Variants in CSRP1 observed in about 807,000 individuals in gnomAD.
The protein encoded by CSRP1 is cysteine and glycine rich protein 1.
CSRP1 carries 16 observed loss-of-function variants against 25.4 expected under a neutral mutation model. The ratio of observed to expected loss-of-function variants is 0.63; its 90% CI spans 0.43 to 0.96. The LOEUF is 0.96. Ranked by LOEUF, CSRP1 falls within the 40% of genes least tolerant of loss-of-function variation. CSRP1 has a pLI of 0.00. For missense variants in CSRP1, 212 were observed against 243.6 expected, an observed-to-expected ratio of 0.87 and a Z score of 0.86; for synonymous variants, 97 against 95.3, an observed-to-expected ratio of 1.02 and a Z score of -0.10.
chr1:201,500,198 C>G (rs904733649), intron 1 of CSRP1, among the ~76,000 whole-genome samples: 1 of 152,238 alleles, frequency 6.6e-6, no homozygotes. Flanking sequence ...TTTCCAACCC[C>G]CTGAACCAGC....
At chr1:201,498,820 T>C (rs1246635946) in intron 1 of CSRP1, among the ~76,000 whole-genome samples, 1 of 152,210 alleles carries the variant, frequency 6.6e-6, no homozygotes, top group East Asian at 1.9e-4. Context: ...TGGCTCCTAG[T>C]GGAGGTGCTT....
intron 1 of CSRP1, among the ~76,000 whole-genome samples, chr1:201,503,278 T>C (rs559104380): frequency 2.4e-4 from 37 of 152,382 alleles, no homozygotes; most frequent in African/African-American, 8.9e-4. Context: ...TGGGGTTTCC[T>C]TGCTTTTATC....
At chr1:201,490,130 G>A (rs1481346218) in intron 3 of CSRP1, 46 bp downstream of exon 3, 1 of 1,580,074 alleles carries the variant, frequency 6.3e-7, no homozygotes, top group East Asian at 2.3e-5. Flanking sequence ...ATACAGGGTG[G>A]GGGAGAGAGC....
Position 201,483,873 on chromosome 1 carries a change from A to C in CSRP1, c.*840T>G. ...ATCTGAGGATCAAGCAGGTGTGGCA[A>C]GAACAGAGCCCTGGCCTGGGCTCTG... On this transcript the variant is annotated 3_prime_UTR_variant, in exon 6 of 6. Coordinates refer to ENST00000340006, the MANE Select transcript of CSRP1 (RefSeq NM_004078.3). 1.7e-6 allele frequency: 1 copy of C among 601,212 alleles called. No individual in the cohort carries two copies. Among genetic ancestry groups the C allele is most frequent in the East Asian group, 2.8e-5 (1 of 36,012 alleles). 37.2% of individuals were successfully genotyped at this position (601,212 alleles called of 1,614,324 possible).
chr1:201,499,088 T>C (rs1404439808), intron 1 of CSRP1, among the ~76,000 whole-genome samples: 1 of 152,164 alleles, frequency 6.6e-6, no homozygotes, highest in African/African-American at 2.4e-5. Flanking sequence ...ACAGTCCCCA[T>C]TCCCAGCCTC....
At position 201,502,471 on chromosome 1, in the gene CSRP1, G is replaced by T. The variant is rs145156873; in HGVS notation, c.-2+4599C>A. 1.2e-3 allele frequency among the ~76,000 whole-genome samples: 183 copies of T among 152,322 alleles called. 1 individual carries two copies. The highest frequency in any genetic ancestry group is 4.3e-3 in the African/African-American group (179 of 41,568). ...CAAGTCTTAGAAGTGACACCTGAGA[G>T]CTCAGGAAATCAGCCTCTCCTGAAG... On this transcript the variant is annotated intron_variant, in intron 1 of 5. Transcript: ENST00000340006.
At chr1:201,485,212 A>G in intron 5 of CSRP1, 71 bp downstream of exon 5, 1 of 1,332,598 alleles carries the variant, frequency 7.5e-7, no homozygotes, top group Non-Finnish European at 1.1e-6. Context: ...TACATTCAGC[A>G]AAGGCAAAAC....
intron 4 of CSRP1, chr1:201,488,640 A>G (rs533491285): frequency 8.8e-6 from 4 of 455,616 alleles, no homozygotes; most frequent in East Asian, 7.8e-5. Flanking sequence ...CCCATTGTCC[A>G]TCAATGCTGG....
At chr1:201,488,197 T>A (rs1355736909) in intron 4 of CSRP1, 1 of 152,202 alleles carries the variant, frequency 6.6e-6, no homozygotes, top group Non-Finnish European at 1.5e-5. Flanking sequence ...CTGCAGCCTA[T>A]CTGAAGGAAG....
At chr1:201,488,196 A>C (rs1664207595) in intron 4 of CSRP1, 4 of 152,214 alleles carry the variant, frequency 2.6e-5, no homozygotes, top group African/African-American at 9.7e-5. Context: ...ACTGCAGCCT[A>C]TCTGAAGGAA....
At position 201,494,474 on chromosome 1, in the gene CSRP1, A is replaced by G. The variant is rs1235751298; in HGVS notation, c.112+1718T>C. ...CGCTGCTGTTTCTGGCCTCCTTTGC[A>G]GGCTGGAAGCCAACAAAGCTCCACT... is the stretch of plus-strand genomic sequence containing the variant. On this transcript the variant is annotated intron_variant, in intron 2 of 5. Transcript: ENST00000340006. Among the ~76,000 whole-genome samples, 3 of 152,210 alleles carry G rather than the reference A, an allele frequency of 2.0e-5. No homozygotes were observed. The East Asian group carries it at 5.8e-4, about 29-fold the overall frequency.
chr1:201,487,658 T>C (rs1271091281), intron 4 of CSRP1: 1 of 152,174 alleles, frequency 6.6e-6, no homozygotes, highest in Non-Finnish European at 1.5e-5. Flanking sequence ...GCCTTGGAAA[T>C]GGGTTTGAAG....
At chr1:201,486,251 A>T in intron 4 of CSRP1, 1 of 737,140 alleles carries the variant, frequency 1.4e-6, no homozygotes, top group Non-Finnish European at 1.7e-6. Flanking sequence ...CCGAGTTTGT[A>T]CACAGTGATG....
At chr1:201,490,723 A>T (rs1664313395) in intron 2 of CSRP1, 1 of 171,634 alleles carries the variant, frequency 5.8e-6, no homozygotes. Context: ...CTCAACAGAG[A>T]CCATATGTCC....
intron 1 of CSRP1, among the ~76,000 whole-genome samples, chr1:201,504,797 CAAA>C (rs113551862): frequency 7.5e-6 from 1 of 133,874 alleles, no homozygotes; most frequent in Non-Finnish European, 1.7e-5. Flanking sequence ...ACGCTGTCTC[CAAA>C]AAAAAAAAAA....
In CSRP1 at chr1:201,496,314, G is replaced by C; in HGVS notation, c.-1-10C>G. The C allele has an allele frequency of 1.3e-6, 2 of 1,595,250 alleles. No individual in the cohort carries two copies. The highest frequency in any genetic ancestry group is 1.7e-6 in the Non-Finnish European group (2 of 1,163,320). On this transcript the variant is annotated splice_polypyrimidine_tract_variant and intron_variant, in intron 1 of 5. Transcript: ENST00000340006. ...TCCCCAGTTCGGCATTCTGAAAAGG[G>C]ACACAGAAATGGGAATTAATTTTAC...
chr1:201,501,808 T>C (rs9628682), intron 1 of CSRP1, among the ~76,000 whole-genome samples: 78,909 of 151,400 alleles, frequency 0.52, 22,137 homozygotes, highest in Non-Finnish European at 0.66. Context: ...GCCTGGCCAA[T>C]GTAGTGAAAC....
In CSRP1 at chr1:201,496,784, A is replaced by G. The variant is rs536624851; in HGVS notation, c.-1-480T>C. Among the ~76,000 whole-genome samples the G allele has an allele frequency of 5.3e-5, 8 of 152,362 alleles. No homozygotes were observed. The East Asian group carries it at 1.3e-3, about 26-fold the overall frequency. ...CAAGGGATGGACATATAGGTGGAAA[A>G]GTTACTACAGAAAAGCAAGGGAATG... On this transcript the variant is annotated intron_variant, in intron 1 of 5. Coordinates refer to ENST00000340006, the MANE Select transcript of CSRP1 (RefSeq NM_004078.3).
At chr1:201,496,013 CT>C (rs751791482) in intron 2 of CSRP1, 178 bp downstream of exon 2, 13 of 581,082 alleles carry the variant, frequency 2.2e-5, no homozygotes, top group Non-Finnish European at 3.4e-5. Context: ...TAGAAAGAAG[CT>C]TCTGAACGGA....
Sources: allele counts gnomAD v4.1 joint callset (sites outside exome capture counted in the v4.1 genomes callset), GRCh38; gene constraint gnomAD v4.1.1; transcripts MANE v1.5; gene names NCBI Gene and HGNC (gene_info 2026-07-23, HGNC 2026-07-21).